The following AOAH variants were observed in gnomAD, a reference collection of about 807,000 sequenced individuals.
The protein encoded by AOAH is acyloxyacyl hydrolase, also known as acyloxyacyl hydrolase (neutrophil).
Under a neutral mutation model 92.2 loss-of-function variants are expected in AOAH, and 64 were observed. The ratio of observed to expected loss-of-function variants is 0.69; its 90% CI spans 0.57 to 0.86. The LOEUF is 0.86. Ranked by LOEUF, AOAH falls within the 40% of genes least tolerant of loss-of-function variation. The probability of loss-of-function intolerance (pLI) is 0.00; values close to 1 mark genes in which losing one functional copy is unlikely to be tolerated. For synonymous variants in AOAH, 263 were observed against 254.5 expected, an observed-to-expected ratio of 1.03 and a Z score of -0.32; for missense variants, 656 against 694.6, an observed-to-expected ratio of 0.94 and a Z score of 0.62.
chr7:36,523,629 G>GGTT (rs759621905), intron 19 of AOAH, among the ~76,000 whole-genome samples: 2 of 100,138 alleles, frequency 2.0e-5, no homozygotes, highest in Admixed American at 1.3e-4. Context: ...TGTTTTGCCT[G>GGTT]TTTTTTTTTT....
chr7:36,597,534 G>A (rs1790218788), intron 11 of AOAH, among the ~76,000 whole-genome samples: 1 of 152,206 alleles, frequency 6.6e-6, no homozygotes, highest in South Asian at 2.1e-4. Flanking sequence ...AGTGGCTTGC[G>A]AGATGCAGGC....
At chr7:36,571,147 G>A (rs759788245) in intron 13 of AOAH, among the ~76,000 whole-genome samples, 12 of 152,132 alleles carry the variant, frequency 7.9e-5, no homozygotes, top group Admixed American at 1.3e-4. Context: ...CTGAGTCCTC[G>A]CTGAGAATGA....
intron 12 of AOAH, among the ~76,000 whole-genome samples, chr7:36,589,117 C>T (rs930594046): frequency 6.6e-6 from 1 of 152,034 alleles, no homozygotes; most frequent in African/African-American, 2.4e-5. Flanking sequence ...TCTGCAGAAC[C>T]CTACTGACTG....
chr7:36,613,905 G>A (rs6969826), intron 11 of AOAH, among the ~76,000 whole-genome samples: 1,914 of 152,270 alleles, frequency 0.013, 44 homozygotes, highest in African/African-American at 0.043. Context: ...TATGTATCCG[G>A]ATGTGTTTCC....
intron 3 of AOAH, among the ~76,000 whole-genome samples, chr7:36,659,769 T>TC (rs1166689592): frequency 6.7e-6 from 1 of 149,854 alleles, no homozygotes; most frequent in African/African-American, 2.5e-5. Context: ...TTTTTTTTTT[T>TC]TTTTCCTGCG....
At chr7:36,535,409 C>T (rs1371093800) in intron 16 of AOAH, among the ~76,000 whole-genome samples, 1 of 152,166 alleles carries the variant, frequency 6.6e-6, no homozygotes, top group East Asian at 1.9e-4. Flanking sequence ...AGGCACATCT[C>T]CATGAAATGC....
intron 11 of AOAH, among the ~76,000 whole-genome samples, chr7:36,607,489 C>T (rs1050850950): frequency 1.3e-5 from 2 of 152,154 alleles, no homozygotes; most frequent in African/African-American, 2.4e-5. Context: ...TCATAGGGTG[C>T]AATGAGACAA....
chr7:36,545,672 TATG>T (rs1785759921), intron 15 of AOAH, among the ~76,000 whole-genome samples: 1 of 152,230 alleles, frequency 6.6e-6, no homozygotes, highest in African/African-American at 2.4e-5. Context: ...CTCCTAAGAA[TATG>T]ATGCTTGTAT....
At chr7:36,671,401 A>G (rs1795916542) in intron 3 of AOAH, among the ~76,000 whole-genome samples, 1 of 152,164 alleles carries the variant, frequency 6.6e-6, no homozygotes, top group Non-Finnish European at 1.5e-5. Context: ...GTACCTGCAG[A>G]TAGATGCAAA....
At chr7:36,615,437 C>G (rs1456936232) in intron 11 of AOAH, among the ~76,000 whole-genome samples, 1 of 152,178 alleles carries the variant, frequency 6.6e-6, no homozygotes. Context: ...TTGCACTGAG[C>G]CCTGCCAAGT....
chr7:36,535,090 GTGTGTGTT>G (rs768888403), intron 16 of AOAH, among the ~76,000 whole-genome samples: 1,534 of 109,708 alleles, frequency 0.014, 15 homozygotes, highest in Middle Eastern at 0.036. Flanking sequence ...GTGTCTCTGT[GTGTGTGTT>G]TGTGTGTGTC....
intron 4 of AOAH, among the ~76,000 whole-genome samples, chr7:36,648,932 T>C (rs1204744735): frequency 6.6e-6 from 1 of 152,228 alleles, no homozygotes; most frequent in Non-Finnish European, 1.5e-5. Flanking sequence ...TTAAAAACAT[T>C]GTCAATTATA....
intron 16 of AOAH, 151 bp from the exon 17 acceptor site, chr7:36,532,495 T>C: frequency 1.3e-6 from 1 of 746,930 alleles, no homozygotes; most frequent in South Asian, 1.6e-5. Flanking sequence ...GAAGAATGCC[T>C]GTGCTTTCCT....
At chr7:36,639,678 A>C (rs181905011) in intron 4 of AOAH, among the ~76,000 whole-genome samples, 39 of 152,326 alleles carry the variant, frequency 2.6e-4, no homozygotes, top group African/African-American at 9.1e-4. Flanking sequence ...TCAGTAATAA[A>C]TGCTTTCAAA....
chr7:36,556,153 T>C (rs1010628397), intron 13 of AOAH, among the ~76,000 whole-genome samples: 1 of 152,004 alleles, frequency 6.6e-6, no homozygotes, highest in Non-Finnish European at 1.5e-5. Context: ...ACACTGCTTT[T>C]AATGTGTCCC....
intron 1 of AOAH, among the ~76,000 whole-genome samples, chr7:36,706,702 A>G (rs1440999622): frequency 3.3e-5 from 5 of 152,224 alleles, no homozygotes; most frequent in Non-Finnish European, 5.9e-5. Flanking sequence ...CAATGATCTT[A>G]GCTAGATTTT....
At chr7:36,695,840 G>C (rs1440229015) in intron 1 of AOAH, among the ~76,000 whole-genome samples, 1 of 152,042 alleles carries the variant, frequency 6.6e-6, no homozygotes, top group African/African-American at 2.4e-5. Context: ...ATTTCCTTTT[G>C]GACAGTGCTA....
intron 20 of AOAH, chr7:36,514,634 C>T (rs1386361567): frequency 1.0e-5 from 14 of 1,371,550 alleles, no homozygotes; most frequent in Non-Finnish European, 2.0e-6. Context: ...CTGGCCAGGC[C>T]TGCAGACTCC....
chr7:36,528,009 C>T (rs1244483197), intron 19 of AOAH, among the ~76,000 whole-genome samples: 2 of 152,318 alleles, frequency 1.3e-5, no homozygotes, highest in African/African-American at 2.4e-5. Flanking sequence ...GAAATGCTAG[C>T]TCTTTCAGAG....
Sources: allele counts gnomAD v4.1 joint callset (sites outside exome capture counted in the v4.1 genomes callset), GRCh38; gene constraint gnomAD v4.1.1; transcripts MANE v1.5; gene names NCBI Gene and HGNC (gene_info 2026-07-23, HGNC 2026-07-21).